The following LRRC4C variants were observed in gnomAD, a reference collection of about 807,000 sequenced individuals.
LRRC4C encodes leucine-rich repeat-containing protein 4C.
A neutral mutation model predicts 33.6 loss-of-function variants in LRRC4C; 5 were observed. That is an observed-to-expected ratio of 0.15 (90% CI 0.08 to 0.31). LRRC4C has a LOEUF of 0.31. Ranked by LOEUF, LRRC4C falls within the 10% of genes least tolerant of loss-of-function variation. The pLI is 1.00. For synonymous variants in LRRC4C, 329 were observed against 302.0 expected (o/e 1.09, Z -0.93); for missense variants, 560 against 796.7 (o/e 0.70, Z 3.58).
intron 3 of LRRC4C, among the ~76,000 whole-genome samples, chr11:40,496,179 A>G (rs1315062310): frequency 6.6e-6 from 1 of 152,106 alleles, no homozygotes; most frequent in Non-Finnish European, 1.5e-5. Context: ...AGAAGACAGG[A>G]AAATAATGAT....
At chr11:40,351,594 T>C (rs1052853111) in intron 3 of LRRC4C, 20 of 152,100 alleles carry the variant, frequency 1.3e-4, no homozygotes, top group African/African-American at 3.6e-4. Context: ...GTTATCTCAA[T>C]TGATCACAGT....
At chr11:41,174,000 A>T (rs1344727113) in intron 1 of LRRC4C, among the ~76,000 whole-genome samples, 1 of 152,140 alleles carries the variant, frequency 6.6e-6, no homozygotes, top group African/African-American at 2.4e-5. Context: ...GTGCATCATG[A>T]TGAGTGACCA....
At chr11:41,034,469 A>ATATG (rs1565320831) in intron 1 of LRRC4C, among the ~76,000 whole-genome samples, 1 of 145,758 alleles carries the variant, frequency 6.9e-6, no homozygotes, top group African/African-American at 2.5e-5. Flanking sequence ...ATATATATAT[A>ATATG]TGTGTGTATA....
At chr11:40,441,867 T>C (rs1657045372) in intron 3 of LRRC4C, among the ~76,000 whole-genome samples, 1 of 152,016 alleles carries the variant, frequency 6.6e-6, no homozygotes. Flanking sequence ...TTATGCATCA[T>C]AAAAAGATGA....
At chr11:40,368,783 C>T (rs963493574) in intron 3 of LRRC4C, among the ~76,000 whole-genome samples, 7 of 152,196 alleles carry the variant, frequency 4.6e-5, no homozygotes, top group Admixed American at 1.3e-4. Flanking sequence ...GAATGTTACC[C>T]GTCCCCTGGG....
intron 2 of LRRC4C, among the ~76,000 whole-genome samples, chr11:40,713,035 C>T (rs1400831332): frequency 6.6e-6 from 1 of 150,616 alleles, no homozygotes. Flanking sequence ...ACTGCAGGCA[C>T]ATGCCACAAT....
intron 5 of LRRC4C, among the ~76,000 whole-genome samples, chr11:40,179,376 T>C (rs1207396928): frequency 6.6e-6 from 1 of 152,140 alleles, no homozygotes; most frequent in Non-Finnish European, 1.5e-5. Context: ...TCTTGTTGAG[T>C]CCTCACTGAA....
chr11:40,986,448 T>C (rs1223785119), intron 1 of LRRC4C, among the ~76,000 whole-genome samples: 1 of 151,944 alleles, frequency 6.6e-6, no homozygotes, highest in Non-Finnish European at 1.5e-5. Flanking sequence ...AAATAAAAAA[T>C]ATTAGCTGGG....
chr11:40,210,923 C>G (rs759241050), intron 5 of LRRC4C, among the ~76,000 whole-genome samples: 18 of 151,516 alleles, frequency 1.2e-4, no homozygotes, highest in Non-Finnish European at 2.4e-4. Flanking sequence ...CAGGTGCCTG[C>G]CACCATGCCT....
intron 2 of LRRC4C, among the ~76,000 whole-genome samples, chr11:40,708,628 T>G (rs1297884096): frequency 2.0e-5 from 3 of 152,206 alleles, no homozygotes; most frequent in South Asian, 2.1e-4. Context: ...GTGCTTTACT[T>G]CCAACTATGT....
chr11:41,450,417 A>G (rs1221787457), intron 1 of LRRC4C, among the ~76,000 whole-genome samples: 1 of 152,238 alleles, frequency 6.6e-6, no homozygotes. Context: ...GAAATATTTA[A>G]AAGGTAATAG....
At chr11:41,188,932 G>A (rs1240400735) in intron 1 of LRRC4C, among the ~76,000 whole-genome samples, 1 of 139,800 alleles carries the variant, frequency 7.2e-6, no homozygotes, top group Non-Finnish European at 1.5e-5. Context: ...TATAATTTAT[G>A]TTGGCAATTT....
intron 1 of LRRC4C, among the ~76,000 whole-genome samples, chr11:41,083,031 A>G (rs1302088859): frequency 6.6e-6 from 1 of 152,146 alleles, no homozygotes; most frequent in Non-Finnish European, 1.5e-5. Context: ...ATAAAGCGCT[A>G]GAGAGAAGCC....
intron 1 of LRRC4C, among the ~76,000 whole-genome samples, chr11:41,405,915 A>G (rs1433918457): frequency 1.3e-5 from 2 of 152,190 alleles, no homozygotes; most frequent in Non-Finnish European, 2.9e-5. Context: ...GATAAAAAAT[A>G]TAAAAGAAAA....
At chr11:40,825,742 T>C (rs1277947227) in intron 2 of LRRC4C, among the ~76,000 whole-genome samples, 5 of 151,752 alleles carry the variant, frequency 3.3e-5, no homozygotes, top group Admixed American at 6.6e-5. Flanking sequence ...AGACACGACA[T>C]GTCCCCATTT....
chr11:40,919,181 C>T (rs1957077748), intron 2 of LRRC4C, among the ~76,000 whole-genome samples: 1 of 152,096 alleles, frequency 6.6e-6, no homozygotes, highest in Non-Finnish European at 1.5e-5. Context: ...CAGTCAGTTT[C>T]AGTCACAGAA....
At chr11:41,052,079 A>G (rs986165491) in intron 1 of LRRC4C, among the ~76,000 whole-genome samples, 2 of 152,168 alleles carry the variant, frequency 1.3e-5, no homozygotes, top group Non-Finnish European at 2.9e-5. Flanking sequence ...ATTAGAAACC[A>G]CACGTACCTG....
At chr11:41,383,831 G>T (rs558449691) in intron 1 of LRRC4C, among the ~76,000 whole-genome samples, 40 of 151,942 alleles carry the variant, frequency 2.6e-4, no homozygotes, top group African/African-American at 8.7e-4. Context: ...CCAACTCTTT[G>T]TTGTTTATAA....
intron 3 of LRRC4C, among the ~76,000 whole-genome samples, chr11:40,361,446 A>G (rs936211449): frequency 2.0e-5 from 3 of 152,200 alleles, no homozygotes; most frequent in Non-Finnish European, 4.4e-5. Context: ...AATCACAAAC[A>G]AACTCTCATT....
Sources: gnomAD v4.1 joint callset for allele counts (sites outside exome capture counted in the v4.1 genomes callset) on GRCh38, gnomAD v4.1.1 for gene constraint, MANE v1.5 for transcripts, NCBI Gene and HGNC (gene_info 2026-07-23, HGNC 2026-07-21) for gene names.